MLIP: variants seen among roughly 807,000 people sequenced by gnomAD.
MLIP encodes the protein muscular LMNA-interacting protein.
MLIP carries 79 observed loss-of-function variants against 84.8 expected under a neutral mutation model. The observed-to-expected ratio is 0.93, with a 90% confidence interval of 0.78 to 1.12. MLIP has a LOEUF of 1.12. Among genes scored for constraint, MLIP ranks in the 50% most tolerant of loss-of-function variants. The probability of loss-of-function intolerance (pLI) is 0.00; values close to 1 mark genes in which losing one functional copy is unlikely to be tolerated. For synonymous variants in MLIP, 504 were observed against 463.0 expected, an observed-to-expected ratio of 1.09 and a Z score of -1.14; for missense variants, 1,257 against 1,160.6, an observed-to-expected ratio of 1.08 and a Z score of -1.21.
In MLIP at chr6:54,121,606, G is replaced by A. The variant is rs767611774; in HGVS notation, c.252+4G>A. Reference sequence around the variant, plus strand: ...GAGTCCAGAAACTGTAAATAGGGTAGGATTATTTTTATTCTTTTTTAATTT... The same window carrying A: ...GAGTCCAGAAACTGTAAATAGGGTAAGATTATTTTTATTCTTTTTTAATTT... On this transcript the variant is annotated splice_donor_region_variant and intron_variant, in intron 2 of 13. Transcript: ENST00000502396. 23 of 1,559,288 alleles carry A rather than the reference G, an allele frequency of 1.5e-5. No homozygotes were observed. The highest frequency in any genetic ancestry group is 2.8e-5 in the African/African-American group (2 of 71,890).
intron 1 of MLIP, among the ~76,000 whole-genome samples, chr6:54,036,053 G>A (rs773875597): frequency 3.3e-5 from 5 of 151,690 alleles, no homozygotes; most frequent in African/African-American, 7.3e-5. Flanking sequence ...TGAGTCCTAG[G>A]TCTTGAAGAT....
At chr6:54,085,433 G>A (rs1767422751) in intron 1 of MLIP, among the ~76,000 whole-genome samples, 1 of 152,116 alleles carries the variant, frequency 6.6e-6, no homozygotes, top group Admixed American at 6.5e-5. Context: ...GTTTTTGTGA[G>A]GATTCCATGA....
At chr6:54,201,983 T>C (rs1440003254) in intron 10 of MLIP, 122 bp from the exon 11 acceptor site, 1 of 682,768 alleles carries the variant, frequency 1.5e-6, no homozygotes, top group African/African-American at 1.9e-5. Context: ...GAAATCATTT[T>C]AAAATTAAAA....
At chr6:54,217,780 G>A (rs1779950745) in intron 11 of MLIP, 1 of 984,766 alleles carries the variant, frequency 1.0e-6, no homozygotes, top group Non-Finnish European at 1.2e-6. Context: ...ATAGAAACAT[G>A]TCCAAGACTG....
intron 3 of MLIP, among the ~76,000 whole-genome samples, chr6:54,132,032 G>C (rs1359120631): frequency 1.3e-5 from 2 of 152,090 alleles, no homozygotes; most frequent in Non-Finnish European, 2.9e-5. Context: ...TTCATATTAT[G>C]GCAATGTTCT....
chr6:54,092,675 T>C (rs1339822472), intron 1 of MLIP, among the ~76,000 whole-genome samples: 3 of 151,976 alleles, frequency 2.0e-5, no homozygotes, highest in Non-Finnish European at 2.9e-5. Flanking sequence ...ATTTAATTCA[T>C]AATGTAATAA....
chr6:54,210,012 C>T (rs1364402812), intron 11 of MLIP, among the ~76,000 whole-genome samples: 4 of 148,028 alleles, frequency 2.7e-5, no homozygotes, highest in Non-Finnish European at 6.0e-5. Flanking sequence ...ATTAACTATA[C>T]AGTTAATGGT....
chr6:54,201,844 G>T (rs1014777068), intron 10 of MLIP, among the ~76,000 whole-genome samples: 1 of 152,120 alleles, frequency 6.6e-6, no homozygotes, highest in Non-Finnish European at 1.5e-5. Flanking sequence ...ACCAGCAAGG[G>T]TAGAACATGT....
At chr6:54,245,867 G>C (rs1212766298) in intron 12 of MLIP, among the ~76,000 whole-genome samples, 2 of 152,044 alleles carry the variant, frequency 1.3e-5, no homozygotes, top group Non-Finnish European at 2.9e-5. Flanking sequence ...CACAGCCAAG[G>C]AGTCTCCTAT....
At position 54,149,141 on chromosome 6, in the gene MLIP, CA is replaced by C; in HGVS notation, c.2289+19del. The C allele has an allele frequency of 6.2e-7, 1 of 1,600,498 alleles. No homozygotes were observed. On this transcript the variant is annotated intron_variant, in intron 5 of 13. Coordinates refer to ENST00000502396, the MANE Select transcript of MLIP (RefSeq NM_001281747.2). ...TTGGAACAGAAGGTCAGTGTTGGCTCAAAAACAGTGAATTTTACATTTTTAA... is the reference window on the plus strand; with the variant it reads ...TTGGAACAGAAGGTCAGTGTTGGCTCAAAACAGTGAATTTTACATTTTTAA...
At chr6:54,254,249 C>T (rs533671985) in intron 12 of MLIP, among the ~76,000 whole-genome samples, 8 of 151,608 alleles carry the variant, frequency 5.3e-5, no homozygotes, top group Admixed American at 1.3e-4. Context: ...GCCTCAGCCT[C>T]CTGAGTAGCT....
At chr6:54,222,964 G>C (rs1449888735) in intron 11 of MLIP, among the ~76,000 whole-genome samples, 1 of 151,984 alleles carries the variant, frequency 6.6e-6, no homozygotes, top group African/African-American at 2.4e-5. Context: ...GATGACTAGT[G>C]ATGTTGAGCA....
intron 1 of MLIP, among the ~76,000 whole-genome samples, chr6:54,084,167 C>T (rs1767339357): frequency 6.6e-6 from 1 of 151,946 alleles, no homozygotes; most frequent in Non-Finnish European, 1.5e-5. Context: ...CTTTTTTGCT[C>T]CCCCTATCAC....
At chr6:54,117,541 G>A (rs1770048168) in intron 1 of MLIP, among the ~76,000 whole-genome samples, 2 of 151,746 alleles carry the variant, frequency 1.3e-5, no homozygotes, top group Non-Finnish European at 2.9e-5. Flanking sequence ...TTCCTCACAG[G>A]ACTGGAAGTC....
intron 12 of MLIP, among the ~76,000 whole-genome samples, chr6:54,241,341 C>T (rs1470592447): frequency 6.6e-6 from 1 of 151,058 alleles, no homozygotes; most frequent in Non-Finnish European, 1.5e-5. Flanking sequence ...ATACTGTAAC[C>T]TATCTAGTAT....
At chr6:54,219,163 G>A (rs961050812) in intron 11 of MLIP, among the ~76,000 whole-genome samples, 3 of 151,480 alleles carry the variant, frequency 2.0e-5, no homozygotes, top group South Asian at 2.1e-4. Context: ...CCGAGATCAT[G>A]CCACTGTACT....
intron 12 of MLIP, among the ~76,000 whole-genome samples, chr6:54,249,213 A>G (rs1227390713): frequency 6.6e-6 from 1 of 152,008 alleles, no homozygotes; most frequent in Admixed American, 6.6e-5. Flanking sequence ...GAGGAACTGA[A>G]ACTCATCTAT....
intron 11 of MLIP, chr6:54,217,189 C>G: frequency 1.0e-6 from 1 of 985,268 alleles, no homozygotes; most frequent in Non-Finnish European, 1.2e-6. Context: ...GACAGAAAAC[C>G]GCAGCGTGAA....
intron 1 of MLIP, among the ~76,000 whole-genome samples, chr6:54,070,067 C>T (rs1162792071): frequency 1.3e-5 from 2 of 152,154 alleles, no homozygotes; most frequent in Admixed American, 6.6e-5. Flanking sequence ...TCCATTTTTC[C>T]CCTTCTCTGT....
Sources: allele counts gnomAD v4.1 joint callset (sites outside exome capture counted in the v4.1 genomes callset), GRCh38; gene constraint gnomAD v4.1.1; transcripts MANE v1.5; gene names NCBI Gene and HGNC (gene_info 2026-07-23, HGNC 2026-07-21).